JADE2: variants seen among roughly 807,000 people sequenced by gnomAD.
JADE2 encodes the protein jade family PHD finger 2.
A neutral mutation model predicts 85.7 loss-of-function variants in JADE2; 13 were observed. That is an observed-to-expected ratio of 0.15 (90% confidence interval 0.10 to 0.24). The LOEUF is 0.24. Ranked by LOEUF, JADE2 falls within the 10% of genes least tolerant of loss-of-function variation. The probability of loss-of-function intolerance (pLI) is 1.00; values close to 1 mark genes in which losing one functional copy is unlikely to be tolerated. For synonymous variants in JADE2, 440 were observed against 456.1 expected, an observed-to-expected ratio of 0.96 and a Z score of 0.45; for missense variants, 846 against 1,115.9, an observed-to-expected ratio of 0.76 and a Z score of 3.45.
rs1763666581 is a variant in JADE2, at chr5:134,566,728, G to A, written c.1434+148G>A. ...CGGCCCTGCTGCAGGAGCCTGCCAA[G>A]GGGCTGAGGGCTTTCAGGTCCCAAA... is the stretch of plus-strand genomic sequence containing the variant. On this transcript the variant is annotated intron_variant, in intron 9 of 11. Coordinates refer to ENST00000681547, the MANE Select transcript of JADE2 (RefSeq NM_001388185.1). The surrounding 1 kb of genome is among the most constrained non-coding windows in gnomAD (Gnocchi z 6.7). 53 of 645,880 alleles carry A rather than the reference G, an allele frequency of 8.2e-5. 3 individuals are homozygous for A. In the South Asian group the frequency reaches 1.0e-3, roughly 12 times the overall value. The allele number at this position is 645,880 out of a possible 1,614,324, so 40.0% of individuals were successfully genotyped here.
At chr5:134,559,351 G>C (rs1399440158) in intron 4 of JADE2, among the ~76,000 whole-genome samples, 1 of 152,218 alleles carries the variant, frequency 6.6e-6, no homozygotes, top group Non-Finnish European at 1.5e-5. Flanking sequence ...AGCCTTGAAG[G>C]GTATGCCGAA....
intron 3 of JADE2, among the ~76,000 whole-genome samples, chr5:134,543,146 TGCCTCA>T (rs1482525641): frequency 1.3e-5 from 2 of 151,624 alleles, no homozygotes; most frequent in South Asian, 2.1e-4. Context: ...GCAATTCCCC[TGCCTCA>T]GCCTCCCAAG....
chr5:134,560,027 G>C, intron 5 of JADE2, 37 bp downstream of exon 5: 21 of 1,611,156 alleles, frequency 1.3e-5, no homozygotes, highest in Non-Finnish European at 1.8e-5. Context: ...GATCACGGCT[G>C]GGCAGGGAGG....
At chr5:134,527,921 C>T (rs1008670817) in intron 1 of JADE2, among the ~76,000 whole-genome samples, 2 of 152,162 alleles carry the variant, frequency 1.3e-5, no homozygotes, top group Non-Finnish European at 2.9e-5. Flanking sequence ...CTCGCCGCTG[C>T]GTCTAGCACC....
At chr5:134,531,154 GCA>G (rs1314187705) in intron 1 of JADE2, among the ~76,000 whole-genome samples, 1 of 152,186 alleles carries the variant, frequency 6.6e-6, no homozygotes, top group African/African-American at 2.4e-5. Context: ...AGTCAGACAT[GCA>G]TAGACCACAT....
rs1274699224 is a variant in JADE2 at position 134,552,181 on chromosome 5, G to T, written c.283G>T (p.Ala95Ser). The T allele has an allele frequency of 3.1e-6, 5 of 1,614,098 alleles. No homozygotes were observed. Among genetic ancestry groups the T allele is most frequent in the Non-Finnish European group, 4.2e-6 (5 of 1,180,026 alleles). The change falls in exon 4 of 12, where the codon GCA becomes TCA. Residue 95 changes from alanine to serine, a missense_variant. Physicochemically the swap from Ala to Ser is moderately conservative, Grantham distance 99. Coordinates refer to ENST00000681547, the MANE Select transcript of JADE2 (RefSeq NM_001388185.1). ...WEKGVQVPAG[A>S]EAIPEPVVRI... ...GAAAGGTGTGCAGGTGCCTGCCGGG[G>T]CAGAGGCCATCCCAGAGCCCGTGGT...
chr5:134,547,612 A>C (rs1447598091), intron 3 of JADE2, among the ~76,000 whole-genome samples: 1 of 152,220 alleles, frequency 6.6e-6, no homozygotes, highest in Non-Finnish European at 1.5e-5. Flanking sequence ...CTGGAAATTC[A>C]ACACAAAATG....
chr5:134,569,233 C>T (rs1365713043), intron 9 of JADE2, among the ~76,000 whole-genome samples: 6 of 152,092 alleles, frequency 3.9e-5, no homozygotes, highest in African/African-American at 7.2e-5. Flanking sequence ...GAGGCCAGCC[C>T]GTGCGCTCTG....
intron 4 of JADE2, among the ~76,000 whole-genome samples, chr5:134,552,922 C>A (rs1429280138): frequency 1.3e-5 from 2 of 151,710 alleles, no homozygotes; most frequent in African/African-American, 2.4e-5. Context: ...ATCTGTCCAC[C>A]GCCTTGGCTG....
In JADE2 at chr5:134,579,096, C is replaced by T. The variant is rs572622092; in HGVS notation, c.2284C>T (p.Arg762Trp). The T allele has an allele frequency of 4.5e-5, 73 of 1,614,088 alleles. No individual in the cohort carries two copies. Among genetic ancestry groups the T allele is most frequent in the South Asian group, 4.5e-4 (41 of 91,074 alleles). ...LRPPRESKVT[R>W]RLPGARPDAG... ...GCCACCCCGCGAGAGCAAGGTAACC[C>T]GGAGATTGCCGGGTGCCAGGCCTGA... Residue 762 changes from arginine to tryptophan, a missense_variant, in exon 12 of 12, where the codon CGG becomes TGG. This residue lies in a region of JADE2 where 300 missense variants were observed against 300.7 expected (regional missense o/e 1.00). Coordinates refer to ENST00000681547, the MANE Select transcript of JADE2 (RefSeq NM_001388185.1). This position sits in a 1 kb window ranked among gnomAD's most constrained non-coding sequence, Gnocchi z 4.6.
intron 3 of JADE2, among the ~76,000 whole-genome samples, chr5:134,547,235 C>A (rs1456961330): frequency 6.6e-6 from 1 of 152,214 alleles, no homozygotes; most frequent in Non-Finnish European, 1.5e-5. Context: ...GCAGAGCAGA[C>A]TCTTTAGCCC....
At chr5:134,559,772 C>T in intron 4 of JADE2, 58 bp from the exon 5 acceptor site, 1 of 1,553,292 alleles carries the variant, frequency 6.4e-7, no homozygotes, top group Non-Finnish European at 8.7e-7. Flanking sequence ...TCCCTGGAGC[C>T]CCTATGGCGG....
At chr5:134,525,377 C>G (rs550029950), upstream of JADE2, among the ~76,000 whole-genome samples, 5 of 152,024 alleles carry the variant, frequency 3.3e-5, no homozygotes, top group Admixed American at 3.3e-4. Flanking sequence ...CCCCAGAGTC[C>G]ATGGGGAGTC....
chr5:134,568,245 C>A (rs369622363), intron 9 of JADE2, among the ~76,000 whole-genome samples: 1 of 152,214 alleles, frequency 6.6e-6, no homozygotes, highest in Non-Finnish European at 1.5e-5. Context: ...GATGAGGAAA[C>A]TGGGGCTCGG....
At chr5:134,538,982 G>A (rs990238757) in intron 3 of JADE2, among the ~76,000 whole-genome samples, 4 of 151,468 alleles carry the variant, frequency 2.6e-5, no homozygotes, top group South Asian at 2.1e-4. Context: ...TCAGCTTCCC[G>A]AGTAGCTGGG....
At chr5:134,560,993 T>C in intron 6 of JADE2, 36 bp downstream of exon 6, 1 of 1,577,802 alleles carries the variant, frequency 6.3e-7, no homozygotes, top group South Asian at 1.1e-5. Flanking sequence ...ACCTGTGCCA[T>C]GTATACACAC....
chr5:134,581,093 CA>C lies in JADE2; in HGVS notation c.*1777del, dbSNP rs1476934431. 1.3e-5 allele frequency: 2 copies of C among 152,614 alleles called. No individual in the cohort carries two copies. Among genetic ancestry groups the C allele is most frequent in the Non-Finnish European group, 2.9e-5 (2 of 68,056 alleles). 9.5% of individuals were successfully genotyped at this position (152,614 alleles called of 1,614,324 possible). ...GGTACGACAGTGGCATTGTCATCGA[CA>C]CTCAATTTCATGTGAATTTTAGCAA... On this transcript the variant is annotated 3_prime_UTR_variant, in exon 12 of 12. Coordinates refer to ENST00000681547, the MANE Select transcript of JADE2 (RefSeq NM_001388185.1).
chr5:134,576,446 GCCCTGTCCAGACT>G (rs1223086968), intron 10 of JADE2, among the ~76,000 whole-genome samples: 2 of 152,114 alleles, frequency 1.3e-5, no homozygotes, highest in Non-Finnish European at 2.9e-5. Flanking sequence ...TCAAGGCCCT[GCCCTGTCCAGACT>G]CCCTTCCAGC....
chr5:134,564,439 C>A, intron 7 of JADE2, 55 bp from the exon 8 acceptor site: 2 of 1,252,824 alleles, frequency 1.6e-6, no homozygotes, highest in Non-Finnish European at 2.2e-6. Context: ...TTTGGAGATC[C>A]CTGGAGGCAG....
Sources: allele counts gnomAD v4.1 joint callset (sites outside exome capture counted in the v4.1 genomes callset), GRCh38; gene constraint gnomAD v4.1.1; regional missense constraint gnomAD v4.1.1; non-coding constraint Gnocchi (gnomAD v3.1); transcripts MANE v1.5; gene names NCBI Gene and HGNC (gene_info 2026-07-23, HGNC 2026-07-21).